The following CMYA5 variants were observed in gnomAD, a reference collection of about 807,000 sequenced individuals.
CMYA5 encodes cardiomyopathy associated 5, also known as cardiomyopathy-associated protein 5.
In CMYA5, 246 loss-of-function variants were observed where a neutral mutation model predicts 318.9. The observed-to-expected ratio is 0.77, with a 90% CI of 0.70 to 0.86. The LOEUF (loss-of-function observed/expected upper bound fraction) is 0.86, where lower values mean the gene tolerates loss of function less well. Ranked by LOEUF, CMYA5 falls within the 40% of genes least tolerant of loss-of-function variation. The pLI is 0.00. For missense variants in CMYA5, 4,589 were observed against 4,678.2 expected (o/e 0.98, Z 0.56); for synonymous variants, 1,641 against 1,729.5 (o/e 0.95, Z 1.27).
intron 1 of CMYA5, among the ~76,000 whole-genome samples, chr5:79,710,819 A>G (rs1415144466): frequency 2.0e-5 from 3 of 152,184 alleles, no homozygotes; most frequent in African/African-American, 7.2e-5. Flanking sequence ...AAAACATTTT[A>G]CTGGATCAAA....
At chr5:79,714,276 A>AT (rs1318481490) in intron 1 of CMYA5, among the ~76,000 whole-genome samples, 1 of 151,952 alleles carries the variant, frequency 6.6e-6, no homozygotes, top group East Asian at 1.9e-4. Context: ...TGGAAAACTC[A>AT]TTTTTATCTT....
At chr5:79,774,335 T>A (rs779999077) in intron 9 of CMYA5, 3 of 152,184 alleles carry the variant, frequency 2.0e-5, no homozygotes, top group Non-Finnish European at 4.4e-5. Flanking sequence ...CTGAGGGAGC[T>A]CCTACTCACC....
At position 79,799,654 on chromosome 5, in the gene CMYA5, A is replaced by G; in HGVS notation, c.*38A>G. 6.3e-7 allele frequency: 1 copy of G among 1,581,020 alleles called. No individual in the cohort carries two copies. The highest frequency in any genetic ancestry group is 8.6e-7 in the Non-Finnish European group (1 of 1,159,648). ...AGAATTTGCAAGAACAGCGATTTGA[A>G]TTTTGGGGGGGTCTGCTGTTCATTC... is the stretch of plus-strand genomic sequence containing the variant. On this transcript the variant is annotated 3_prime_UTR_variant, in exon 13 of 13. Coordinates refer to ENST00000446378, the MANE Select transcript of CMYA5 (RefSeq NM_153610.5).
chr5:79,733,114 G>A lies in CMYA5; in HGVS notation c.4349G>A (p.Ser1450Asn). ...EKEIKFDSLP[S>N]VSSIAEHSVL... ...GAAATTAAATTTGATTCACTTCCAA[G>A]TGTCTCCTCTATAGCAGAGCATTCT... The change falls in exon 2 of 13, where the codon AGT (serine) becomes AAT (asparagine). Residue 1450 changes from serine to asparagine, a missense_variant. By Grantham distance (46) the Ser-to-Asn change is conservative. This residue lies in a region of CMYA5 where 2,132 missense variants were observed against 2,131.3 expected (regional missense o/e 1.00). Coordinates refer to ENST00000446378, the MANE Select transcript of CMYA5 (RefSeq NM_153610.5). 2 of 1,613,744 alleles carry A rather than the reference G, an allele frequency of 1.2e-6. No homozygotes were observed. Among genetic ancestry groups the A allele is most frequent in the Admixed American group, 1.7e-5 (1 of 59,964 alleles).
chr5:79,766,826 A>G (rs1828763333), intron 9 of CMYA5, among the ~76,000 whole-genome samples: 1 of 152,154 alleles, frequency 6.6e-6, no homozygotes, highest in African/African-American at 2.4e-5. Context: ...TCATAAAATG[A>G]GTTAGGGAGG....
At position 79,736,116 on chromosome 5, in the gene CMYA5, G is replaced by A. The variant is rs373082307; in HGVS notation, c.7351G>A (p.Val2451Ile). 97 of 1,613,638 alleles carry A rather than the reference G, an allele frequency of 6.0e-5. No individual in the cohort carries two copies. In the African/African-American group the frequency reaches 1.2e-3, roughly 20 times the overall value. The change falls in exon 2 of 13, where the codon GTT becomes ATT. Residue 2451 changes from valine to isoleucine, a missense_variant. By Grantham distance (29) the Val-to-Ile change is conservative. Around this residue, in one of 3 missense-constraint regions of CMYA5, gnomAD observed 2,431 missense variants for 2,495.1 expected, o/e 0.97. Coordinates refer to ENST00000446378, the MANE Select transcript of CMYA5 (RefSeq NM_153610.5). ...ISEEETKLRS[V>I]SPTEKKDNLE... ...TGAAGAGGAAACAAAACTCAGGTCT[G>A]TTAGTCCAACTGAGAAGAAAGATAA...
intron 1 of CMYA5, among the ~76,000 whole-genome samples, chr5:79,707,599 A>G (rs544356485): frequency 6.6e-6 from 1 of 152,360 alleles, no homozygotes; most frequent in African/African-American, 2.4e-5. Context: ...AGGTTAATTC[A>G]ACACTGAAAA....
At position 79,735,672 on chromosome 5, in the gene CMYA5, A is replaced by G. The variant is rs752210657; in HGVS notation, c.6907A>G (p.Ile2303Val). ...CTCAGGCGATTCAGAGGAAATGAAC[A>G]TAAACTCAGTAGTTACTTCTGCTGA... ...EISGDSEEMN[I>V]NSVVTSADGE... The change falls in exon 2 of 13, where the codon ATA (isoleucine) becomes GTA (valine). Residue 2303 changes from isoleucine (I) to valine (V), a missense_variant. Transcript: ENST00000446378. 7 of 1,612,508 alleles carry G rather than the reference A, an allele frequency of 4.3e-6. No individual in the cohort carries two copies. The South Asian group carries it at 4.4e-5, about 10-fold the overall frequency.
At chr5:79,741,617 A>ATTT (rs1188246537) in intron 2 of CMYA5, among the ~76,000 whole-genome samples, 25 of 152,158 alleles carry the variant, frequency 1.6e-4, no homozygotes, top group African/African-American at 6.0e-4. Flanking sequence ...GTGAAATCTC[A>ATTT]GACGTCACAT....
At chr5:79,744,148 T>G (rs896493426) in intron 3 of CMYA5, among the ~76,000 whole-genome samples, 1 of 152,236 alleles carries the variant, frequency 6.6e-6, no homozygotes, top group Non-Finnish European at 1.5e-5. Flanking sequence ...ACGACAGACA[T>G]GCATTTATTA....
rs547760067 is a variant in CMYA5, at chr5:79,753,058, C to CT, written c.11110+275dup. On this transcript the variant is annotated intron_variant, in intron 6 of 12. Transcript: ENST00000446378. Reference sequence around the variant, plus strand: ...GAGCCATGGAACCAAAGGGTCTCCTCTTTTTTTTTTTCTTTAATTTAAAAA... The same window carrying CT: ...GAGCCATGGAACCAAAGGGTCTCCTCTTTTTTTTTTTTCTTTAATTTAAAAA... Among the ~76,000 whole-genome samples the CT allele has an allele frequency of 8.9e-4, 130 of 146,274 alleles. 1 individual carries two copies. In the South Asian group the frequency reaches 0.01, roughly 12 times the overall value.
intron 5 of CMYA5, among the ~76,000 whole-genome samples, chr5:79,751,427 G>T (rs1347300114): frequency 1.3e-5 from 2 of 152,006 alleles, no homozygotes; most frequent in Non-Finnish European, 2.9e-5. Context: ...TTAATACCCA[G>T]CCCAAATGTT....
intron 5 of CMYA5, among the ~76,000 whole-genome samples, chr5:79,749,349 T>A (rs989167176): frequency 6.6e-6 from 1 of 152,208 alleles, no homozygotes; most frequent in South Asian, 2.1e-4. Flanking sequence ...GCTTTCCATG[T>A]CCTCAAGAAA....
At position 79,732,574 on chromosome 5, in the gene CMYA5, A is replaced by G; in HGVS notation, c.3809A>G (p.Lys1270Arg). Reference sequence around the variant, plus strand: ...GTGACTTCTGAACTAGAACAGAGAAAGTTGTCCAAGAATGAGCCTGAAGTA... The same window carrying G: ...GTGACTTCTGAACTAGAACAGAGAAGGTTGTCCAAGAATGAGCCTGAAGTA... ...LNVTSELEQR[K>R]LSKNEPEVIK... The change falls in exon 2 of 13, where the codon AAG (lysine) becomes AGG (arginine). Residue 1270 changes from lysine (K) to arginine (R), a missense_variant. By Grantham distance (26) the Lys-to-Arg change is conservative. This residue lies in a region of CMYA5 where 2,132 missense variants were observed against 2,131.3 expected (regional missense o/e 1.00). Coordinates refer to ENST00000446378, the MANE Select transcript of CMYA5 (RefSeq NM_153610.5). 1.9e-6 allele frequency: 3 copies of G among 1,613,052 alleles called. No homozygotes were observed. The highest frequency in any genetic ancestry group is 2.5e-6 in the Non-Finnish European group (3 of 1,179,524).
chr5:79,735,169 T>G lies in CMYA5; in HGVS notation c.6404T>G (p.Ile2135Ser). ...EVKIPTQRKPISSIHAREPQS... is the reference protein window; with the variant it reads ...EVKIPTQRKPSSSIHAREPQS... ...AAAATACCCACACAAAGAAAACCCA[T>G]CTCCTCAATCCATGCAAGAGAGCCT... The change falls in exon 2 of 13, where the codon ATC (isoleucine) becomes AGC (serine). Residue 2135 changes from isoleucine to serine, a missense_variant. This residue lies in a region of CMYA5 where 2,431 missense variants were observed against 2,495.1 expected (regional missense o/e 0.97). Transcript: ENST00000446378. 1.2e-6 allele frequency: 2 copies of G among 1,613,260 alleles called. No homozygotes were observed. Among genetic ancestry groups the G allele is most frequent in the Non-Finnish European group, 1.7e-6 (2 of 1,179,696 alleles).
rs753419105 is a variant in CMYA5 at position 79,731,485 on chromosome 5, C to T, written c.2720C>T (p.Pro907Leu). 1 of 1,607,214 alleles carries T rather than the reference C, an allele frequency of 6.2e-7. No homozygotes were observed. The highest frequency in any genetic ancestry group is 1.1e-5 in the South Asian group (1 of 89,674). Residue 907 changes from proline to leucine, a missense_variant, in exon 2 of 13, where the codon CCA becomes CTA. Physicochemically the swap from Pro to Leu is moderately conservative, Grantham distance 98. Transcript: ENST00000446378. ...TCTGCTTCTGAATTTTCAGTACCAC[C>T]ATATGCAACACCGGAGGCACAGGAG... ...STSASEFSVP[P>L]YATPEAQEEE... is the part of the protein sequence containing the mutation.
rs1467405488 is a variant in CMYA5, at chr5:79,737,898, A to C, written c.9133A>C (p.Thr3045Pro). 6.2e-7 allele frequency: 1 copy of C among 1,605,216 alleles called. No individual in the cohort carries two copies. The highest frequency in any genetic ancestry group is 1.3e-5 in the African/African-American group (1 of 74,146). ...AACTGATTTATCATTTATTCAGCCC[A>C]CAATTCCCAGTGAAGAGGATTATTT... ...SETDLSFIQP[T>P]IPSEEDYFEK... The change falls in exon 2 of 13, where the codon ACA (threonine) becomes CCA (proline). Residue 3045 changes from threonine (T) to proline (P), a missense_variant. Physicochemically the swap from Thr to Pro is conservative, Grantham distance 38. Transcript: ENST00000446378.
rs769260361 is a variant in CMYA5 at position 79,738,253 on chromosome 5, G to T, written c.9488G>T (p.Gly3163Val). 1 of 1,613,578 alleles carries T rather than the reference G, an allele frequency of 6.2e-7. No individual in the cohort carries two copies. The highest frequency in any genetic ancestry group is 8.5e-7 in the Non-Finnish European group (1 of 1,179,824). The change falls in exon 2 of 13, where the codon GGA becomes GTA. Residue 3163 changes from glycine to valine, a missense_variant. Coordinates refer to ENST00000446378, the MANE Select transcript of CMYA5 (RefSeq NM_153610.5). ...ATGCCTTTATTTGAAGCAGAGGAAG[G>T]AGTTCTATCACGAACCCAGATATTT... ...PGMPLFEAEE[G>V]VLSRTQIFPT...
chr5:79,713,122 G>A (rs1827430273), intron 1 of CMYA5, among the ~76,000 whole-genome samples: 1 of 152,210 alleles, frequency 6.6e-6, no homozygotes, highest in African/African-American at 2.4e-5. Flanking sequence ...ATGGTTGAGT[G>A]TCTTTTCTCA....
Sources: gnomAD v4.1 joint callset for allele counts (sites outside exome capture counted in the v4.1 genomes callset) on GRCh38, gnomAD v4.1.1 for gene constraint, gnomAD v4.1.1 regional missense constraint, MANE v1.5 for transcripts, NCBI Gene and HGNC (gene_info 2026-07-23, HGNC 2026-07-21) for gene names.